The following CEACAM16 variants were observed in gnomAD, a reference collection of about 807,000 sequenced individuals.
The protein encoded by CEACAM16 is cell adhesion molecule CEACAM16.
CEACAM16 carries 30 observed loss-of-function variants against 39.4 expected under a neutral mutation model. That is an observed-to-expected ratio of 0.76 (90% confidence interval 0.57 to 1.03). CEACAM16 has a LOEUF of 1.03. CEACAM16 is among the 50% of genes least tolerant of loss of function. CEACAM16 has a pLI of 0.00. For missense variants in CEACAM16, 521 were observed against 585.3 expected, an observed-to-expected ratio of 0.89 and a Z score of 1.13; for synonymous variants, 262 against 264.9, an observed-to-expected ratio of 0.99 and a Z score of 0.11.
At chr19:44,706,312 A>ACACACACACACAC (rs1568528641) in intron 5 of CEACAM16, among the ~76,000 whole-genome samples, 1 of 147,168 alleles carries the variant, frequency 6.8e-6, no homozygotes, top group Non-Finnish European at 1.5e-5. Context: ...ACACACACAC[A>ACACACACACACAC]ACTGAAGAAT....
chr19:44,702,460 T>A (rs1285487198), intron 2 of CEACAM16, among the ~76,000 whole-genome samples: 3 of 152,314 alleles, frequency 2.0e-5, no homozygotes, highest in Admixed American at 6.5e-5. Flanking sequence ...CTAGCCACAC[T>A]CTAACAGCCT....
rs1397934297 is a variant in CEACAM16 at position 44,708,194 on chromosome 19, G to A, written c.1267+7G>A. The A allele has an allele frequency of 4.5e-6, 7 of 1,553,978 alleles. No homozygotes were observed. Among genetic ancestry groups the A allele is most frequent in the Non-Finnish European group, 6.1e-6 (7 of 1,141,900 alleles). On this transcript the variant is annotated splice_region_variant and intron_variant, in intron 6 of 6. Transcript: ENST00000587331. ...GTGGAGCTGCAGGTGGCCCGTGAGT[G>A]TGTGGGAAGGGGCAAGGCGTGCCCC...
chr19:44,700,844 G>A (rs1246131894), intron 1 of CEACAM16, among the ~76,000 whole-genome samples: 1 of 152,196 alleles, frequency 6.6e-6, no homozygotes, highest in Non-Finnish European at 1.5e-5. Flanking sequence ...CCTTCTGTCT[G>A]GGTTTGCACA....
At chr19:44,706,173 C>G (rs17715069) in intron 5 of CEACAM16, among the ~76,000 whole-genome samples, 84,307 of 150,804 alleles carry the variant, frequency 0.56, 24,043 homozygotes, top group South Asian at 0.65. Flanking sequence ...CTGTTTAGGG[C>G]CTTGACCCTC....
chr19:44,707,779 G>A, intron 5 of CEACAM16, 82 bp from the exon 6 acceptor site: 8 of 1,272,884 alleles, frequency 6.3e-6, no homozygotes, highest in Non-Finnish European at 8.5e-6. Flanking sequence ...CAGCCAGCTG[G>A]GGGGAGGCCA....
intron 2 of CEACAM16, among the ~76,000 whole-genome samples, chr19:44,702,010 G>A (rs2122188452): frequency 6.6e-6 from 1 of 152,196 alleles, no homozygotes; most frequent in Admixed American, 6.5e-5. Flanking sequence ...CACCTATGAG[G>A]GGCCGGGCAA....
rs774181118 is a variant in CEACAM16, at chr19:44,699,910, C to CT, written c.-97+651dup. Among the ~76,000 whole-genome samples, 12 of 152,130 alleles carry CT rather than the reference C, an allele frequency of 7.9e-5. No homozygotes were observed. In the East Asian group the frequency reaches 2.2e-3, roughly 27 times the overall value. ...GCAGGATCTCGGCTCACTGCAACCT[C>CT]TACCTCCTGGATTCAAGCGATTCTC... On this transcript the variant is annotated intron_variant, in intron 1 of 6. Coordinates refer to ENST00000587331, the MANE Select transcript of CEACAM16 (RefSeq NM_001039213.4).
chr19:44,709,009 A>G (rs1974494084), intron 6 of CEACAM16, among the ~76,000 whole-genome samples: 1 of 151,842 alleles, frequency 6.6e-6, no homozygotes, highest in Non-Finnish European at 1.5e-5. Flanking sequence ...CTAGAGTCAG[A>G]AACTATGCCT....
chr19:44,710,150 G>C (rs1974515234), intron 6 of CEACAM16, among the ~76,000 whole-genome samples: 1 of 152,168 alleles, frequency 6.6e-6, no homozygotes, highest in Admixed American at 6.5e-5. Context: ...CCAGGATCAA[G>C]GACTCAACCA....
chr19:44,705,042 T>G (rs1974420019), intron 4 of CEACAM16, among the ~76,000 whole-genome samples: 1 of 152,170 alleles, frequency 6.6e-6, no homozygotes, highest in South Asian at 2.1e-4. Flanking sequence ...ACCCATGATG[T>G]AGAAAAACTT....
intron 5 of CEACAM16, among the ~76,000 whole-genome samples, chr19:44,706,958 G>A (rs981497959): frequency 6.6e-6 from 1 of 152,216 alleles, no homozygotes; most frequent in Admixed American, 6.5e-5. Context: ...TCCTGGGACA[G>A]GGAAACATGG....
chr19:44,703,226 T>A, intron 2 of CEACAM16, 123 bp from the exon 3 acceptor site: 1 of 813,680 alleles, frequency 1.2e-6, no homozygotes, highest in East Asian at 2.7e-5. Context: ...TGGTTTTGCC[T>A]GTCCTCATTT....
chr19:44,706,643 T>C (rs1194335563), intron 5 of CEACAM16, among the ~76,000 whole-genome samples: 2 of 151,806 alleles, frequency 1.3e-5, no homozygotes, highest in Non-Finnish European at 1.5e-5. Flanking sequence ...TCCCCAGAGG[T>C]AAGTGTGACT....
intron 2 of CEACAM16, among the ~76,000 whole-genome samples, chr19:44,702,834 GGCTTAAAGCC>G (rs1974370560): frequency 6.6e-6 from 1 of 152,206 alleles, no homozygotes; most frequent in Admixed American, 6.5e-5. Flanking sequence ...CTTTGGGTCC[GGCTTAAAGCC>G]GCAGGTCCTG....
chr19:44,700,184 T>C (rs1974322536), intron 1 of CEACAM16, among the ~76,000 whole-genome samples: 1 of 152,054 alleles, frequency 6.6e-6, no homozygotes, highest in Admixed American at 6.6e-5. Flanking sequence ...TTTTTATATT[T>C]TTAGTACATA....
In CEACAM16 at chr19:44,707,907, G is replaced by A. The variant is rs372227866; in HGVS notation, c.987G>A (p.Thr329=). The A allele has an allele frequency of 1.8e-5, 28 of 1,566,660 alleles. No homozygotes were observed. Among genetic ancestry groups the A allele is most frequent in the African/African-American group, 1.5e-4 (11 of 74,062 alleles). The change falls in exon 6 of 7, where the codon ACG becomes ACA. Residue 329 remains threonine, a synonymous_variant. Transcript: ENST00000587331. The part of the protein sequence containing the change: ...TMIVPVPTKP[T]EGQDVTLTVQ... ...TCGTGCCCGTGCCCACCAAGCCAAC[G>A]GAGGGCCAGGACGTAACACTGACCG...
In CEACAM16 at chr19:44,705,958, T is replaced by C. The variant is rs180737696; in HGVS notation, c.940+90T>C. Reference sequence around the variant, plus strand: ...AAGCCACCATTTGCCCAACAGAGAATTGGAACATGGTAGATTCACAGTTCA... The same window carrying C: ...AAGCCACCATTTGCCCAACAGAGAACTGGAACATGGTAGATTCACAGTTCA... On this transcript the variant is annotated intron_variant, in intron 5 of 6. Transcript: ENST00000587331. 24 of 1,420,484 alleles carry C rather than the reference T, an allele frequency of 1.7e-5. No individual in the cohort carries two copies. The Admixed American group carries it at 2.1e-4, about 13-fold the overall frequency. 88.0% of individuals were successfully genotyped at this position (1,420,484 alleles called of 1,614,324 possible). A position where few individuals can be genotyped will look rare whatever the true frequency, so the allele number is the denominator to read the frequency against.
intron 6 of CEACAM16, 60 bp downstream of exon 6, chr19:44,708,247 C>G: frequency 7.0e-7 from 1 of 1,420,818 alleles, no homozygotes; most frequent in Non-Finnish European, 9.4e-7. Context: ...CCAAAAGGAG[C>G]CTTTGCTTCC....
chr19:44,703,077 A>G (rs1042577805), intron 2 of CEACAM16, among the ~76,000 whole-genome samples: 2 of 152,240 alleles, frequency 1.3e-5, no homozygotes, highest in Non-Finnish European at 2.9e-5. Context: ...CTTACCAGGC[A>G]GGTAGACCTG....
Sources: gnomAD v4.1 joint callset for allele counts (sites outside exome capture counted in the v4.1 genomes callset) on GRCh38, gnomAD v4.1.1 for gene constraint, MANE v1.5 for transcripts, NCBI Gene and HGNC (gene_info 2026-07-23, HGNC 2026-07-21) for gene names.